FHIT: variants seen among roughly 807,000 people sequenced by gnomAD.
FHIT encodes the protein fragile histidine triad diadenosine triphosphatase.
A neutral mutation model predicts 17.9 loss-of-function variants in FHIT; 19 were observed. That is an observed-to-expected ratio of 1.06 (90% confidence interval 0.74 to 1.56). FHIT has a LOEUF of 1.56. FHIT is among the 40% of genes most tolerant of loss of function. FHIT has a pLI of 0.00. For synonymous variants in FHIT, 81 were observed against 69.7 expected, an observed-to-expected ratio of 1.16 and a Z score of -0.81; for missense variants, 248 against 189.2, an observed-to-expected ratio of 1.31 and a Z score of -1.82.
At chr3:60,208,040 G>A (rs929127495) in intron 5 of FHIT, among the ~76,000 whole-genome samples, 1 of 152,144 alleles carries the variant, frequency 6.6e-6, no homozygotes, top group Non-Finnish European at 1.5e-5. Context: ...CTTAGTACTT[G>A]ACAGCAATGC....
intron 2 of FHIT, among the ~76,000 whole-genome samples, chr3:61,047,784 A>G (rs1403842911): frequency 6.6e-6 from 1 of 151,852 alleles, no homozygotes; most frequent in Non-Finnish European, 1.5e-5. Flanking sequence ...AGAGATATAG[A>G]CCAATGGAAC....
chr3:60,918,179 G>A (rs1297633952), intron 3 of FHIT, among the ~76,000 whole-genome samples: 1 of 152,188 alleles, frequency 6.6e-6, no homozygotes, highest in African/African-American at 2.4e-5. Context: ...CCTTTGCCTT[G>A]CACCATGATT....
chr3:60,268,591 T>C (rs1172081083), intron 5 of FHIT, among the ~76,000 whole-genome samples: 1 of 152,236 alleles, frequency 6.6e-6, no homozygotes, highest in South Asian at 2.1e-4. Context: ...ATTTACATTA[T>C]GTGAAGTTGA....
intron 8 of FHIT, among the ~76,000 whole-genome samples, chr3:59,861,698 A>T (rs1202694996): frequency 1.3e-5 from 2 of 152,224 alleles, no homozygotes; most frequent in South Asian, 4.1e-4. Context: ...CACCTTTTCC[A>T]AATAGCGCCA....
At chr3:59,842,046 T>A (rs1037200701) in intron 8 of FHIT, among the ~76,000 whole-genome samples, 1 of 152,088 alleles carries the variant, frequency 6.6e-6, no homozygotes, top group African/African-American at 2.4e-5. Flanking sequence ...TCTATACCCA[T>A]TAAATAACAA....
intron 4 of FHIT, among the ~76,000 whole-genome samples, chr3:60,774,057 A>C (rs1700136011): frequency 6.6e-6 from 1 of 152,244 alleles, no homozygotes; most frequent in Non-Finnish European, 1.5e-5. Context: ...CGAAAATGGC[A>C]AAATTATCTT....
intron 5 of FHIT, among the ~76,000 whole-genome samples, chr3:60,224,417 G>A (rs910334420): frequency 2.6e-5 from 4 of 152,140 alleles, no homozygotes; most frequent in Non-Finnish European, 5.9e-5. Flanking sequence ...TTCAAGAAGG[G>A]AGATGCTTCC....
intron 2 of FHIT, among the ~76,000 whole-genome samples, chr3:61,197,578 T>C (rs765245956): frequency 1.3e-5 from 2 of 152,228 alleles, no homozygotes; most frequent in Non-Finnish European, 2.9e-5. Flanking sequence ...ATTCTCATTC[T>C]ACATTCCACA....
At chr3:59,971,527 T>A (rs867837695) in intron 7 of FHIT, among the ~76,000 whole-genome samples, 2 of 152,108 alleles carry the variant, frequency 1.3e-5, no homozygotes, top group Admixed American at 6.6e-5. Flanking sequence ...CCATAATCAA[T>A]TGAAGAATTT....
chr3:60,758,865 G>C (rs1699539420), intron 4 of FHIT, among the ~76,000 whole-genome samples: 1 of 152,094 alleles, frequency 6.6e-6, no homozygotes, highest in South Asian at 2.1e-4. Context: ...TGGTTAACAG[G>C]AATAGAGAGT....
intron 5 of FHIT, among the ~76,000 whole-genome samples, chr3:60,429,457 T>C (rs1576639161): frequency 6.6e-6 from 1 of 152,016 alleles, no homozygotes; most frequent in East Asian, 1.9e-4. Context: ...AGGAATTTCC[T>C]GAACAGGCAC....
chr3:60,241,783 G>GT (rs1705141668), intron 5 of FHIT, among the ~76,000 whole-genome samples: 1 of 152,048 alleles, frequency 6.6e-6, no homozygotes, highest in African/African-American at 2.4e-5. Context: ...TCTTGCTTCT[G>GT]TTTTTTAATT....
At chr3:60,833,996 G>T (rs782168408) in intron 3 of FHIT, among the ~76,000 whole-genome samples, 22 of 152,150 alleles carry the variant, frequency 1.4e-4, no homozygotes, top group Non-Finnish European at 2.5e-4. Flanking sequence ...GTATTCGATG[G>T]TATGGATGGA....
chr3:59,901,191 G>C (rs976639202), intron 8 of FHIT, among the ~76,000 whole-genome samples: 1 of 152,114 alleles, frequency 6.6e-6, no homozygotes, highest in African/African-American at 2.4e-5. Flanking sequence ...TTCACTGTTT[G>C]ACTTTCTGAG....
intron 5 of FHIT, among the ~76,000 whole-genome samples, chr3:60,198,382 G>C (rs540981120): frequency 6.6e-6 from 1 of 152,210 alleles, no homozygotes; most frequent in South Asian, 2.1e-4. Flanking sequence ...CGTTCACTTG[G>C]AATGTGATTA....
intron 4 of FHIT, among the ~76,000 whole-genome samples, chr3:60,737,204 C>T (rs2042151863): frequency 6.6e-6 from 1 of 152,182 alleles, no homozygotes. Flanking sequence ...CATTCAGAGC[C>T]TCCTTGTTAA....
At chr3:60,007,414 C>T (rs1209789609) in intron 7 of FHIT, among the ~76,000 whole-genome samples, 4 of 152,126 alleles carry the variant, frequency 2.6e-5, no homozygotes, top group Non-Finnish European at 5.9e-5. Flanking sequence ...ACATACATAT[C>T]GTCTTCTACT....
At chr3:60,318,848 T>G (rs990487307) in intron 5 of FHIT, among the ~76,000 whole-genome samples, 1 of 152,212 alleles carries the variant, frequency 6.6e-6, no homozygotes, top group African/African-American at 2.4e-5. Flanking sequence ...GTCAAGTTGT[T>G]GGCAGGCTGA....
At chr3:60,219,325 G>A (rs17062506) in intron 5 of FHIT, among the ~76,000 whole-genome samples, 3,964 of 152,132 alleles carry the variant, frequency 0.026, 73 homozygotes, top group Middle Eastern at 0.082. Context: ...CTTTGTAATA[G>A]CCCTATACTT....
Sources: allele counts gnomAD v4.1 joint callset (sites outside exome capture counted in the v4.1 genomes callset), GRCh38; gene constraint gnomAD v4.1.1; transcripts MANE v1.5; gene names NCBI Gene and HGNC (gene_info 2026-07-23, HGNC 2026-07-21).